The following ARHGEF4 variants were observed in gnomAD, a reference collection of about 807,000 sequenced individuals.
The protein encoded by ARHGEF4 is APC-stimulated guanine nucleotide exchange factor 1.
Under a neutral mutation model 162.0 loss-of-function variants are expected in ARHGEF4, and 119 were observed. The ratio of observed to expected loss-of-function variants is 0.73; its 90% CI spans 0.63 to 0.86. The LOEUF (loss-of-function observed/expected upper bound fraction) is 0.86, where lower values mean the gene tolerates loss of function less well. Ranked by LOEUF, ARHGEF4 falls within the 40% of genes least tolerant of loss-of-function variation. The pLI is 0.00. For synonymous variants in ARHGEF4, 1,014 were observed against 979.9 expected (o/e 1.03, Z -0.65); for missense variants, 2,488 against 2,456.0 (o/e 1.01, Z -0.28).
intron 4 of ARHGEF4, among the ~76,000 whole-genome samples, chr2:130,998,166 G>A (rs1220940810): frequency 1.3e-5 from 2 of 151,980 alleles, no homozygotes; most frequent in African/African-American, 4.8e-5. Flanking sequence ...ACTTATTGTA[G>A]TATTTATATA....
Position 131,046,051 on chromosome 2 carries a change from C to T in ARHGEF4, c.5493C>T (p.Pro1831=), listed in dbSNP as rs114004756. 1,309 of 1,611,648 alleles carry T rather than the reference C, an allele frequency of 8.1e-4. 10 individuals carry two copies. The African/African-American group carries it at 0.016, about 20-fold the overall frequency. ...VTGKPKAVGR[P]CYLTRQKHPA... is the part of the protein sequence containing the mutation. ...CTCCCTGTTCAGCTGTTGGCCGGCCCTGCTACCTGACGCGCCAGAAGCACC... is the reference window on the plus strand; with the variant it reads ...CTCCCTGTTCAGCTGTTGGCCGGCCTTGCTACCTGACGCGCCAGAAGCACC... Residue 1831 remains proline, a synonymous_variant, in exon 14 of 14, where the codon CCC becomes CCT. Transcript: ENST00000409359.
chr2:130,917,795 T>C (rs1186223968), intron 2 of ARHGEF4, among the ~76,000 whole-genome samples: 4 of 150,272 alleles, frequency 2.7e-5, no homozygotes, highest in Non-Finnish European at 4.4e-5. Context: ...GCACTGCCCA[T>C]TTTCTTTTCT....
rs542532426 is a variant in ARHGEF4, at chr2:131,044,312, G to A, written c.5171G>A (p.Arg1724His). 9 of 1,610,478 alleles carry A rather than the reference G, an allele frequency of 5.6e-6. No individual in the cohort carries two copies. The highest frequency in any genetic ancestry group is 4.5e-5 in the East Asian group (2 of 44,796). The change falls in exon 12 of 14, where the codon CGC (arginine) becomes CAC (histidine). Residue 1724 changes from arginine to histidine, a missense_variant. Physicochemically the swap from Arg to His is conservative, Grantham distance 29. Around this residue, in one of 6 missense-constraint regions of ARHGEF4, gnomAD observed 415 missense variants for 512.4 expected, o/e 0.81. Transcript: ENST00000409359. Reference protein sequence around the residue: ...LIYCKKDLLRRDVLYYKGRLD... With the variant: ...LIYCKKDLLRHDVLYYKGRLD... ...AGCATCTGGCAGGACCTGCTCCGCC[G>A]CGACGTGTTGTACTACAAGGGCCGG...
chr2:130,926,809 G>GTTTTTTTT (rs1559044315), intron 2 of ARHGEF4, among the ~76,000 whole-genome samples: 10 of 13,822 alleles, frequency 7.2e-4, no homozygotes, highest in Non-Finnish European at 2.2e-3. Context: ...ACTTCTGGCT[G>GTTTTTTTT]ATTTTTTTTT....
chr2:131,015,536 G>C (rs1422038447), intron 4 of ARHGEF4, among the ~76,000 whole-genome samples: 1 of 152,148 alleles, frequency 6.6e-6, no homozygotes, highest in African/African-American at 2.4e-5. Flanking sequence ...CTGGTTGACC[G>C]GTTGTTCTGT....
intron 1 of ARHGEF4, among the ~76,000 whole-genome samples, chr2:130,892,677 G>A (rs1194618059): frequency 2.6e-5 from 4 of 152,322 alleles, no homozygotes; most frequent in African/African-American, 9.6e-5. Flanking sequence ...GGAGCCCACA[G>A]CCAGGGTGGA....
At chr2:130,855,908 A>G (rs955587074) in intron 1 of ARHGEF4, among the ~76,000 whole-genome samples, 7 of 152,266 alleles carry the variant, frequency 4.6e-5, no homozygotes, top group South Asian at 2.1e-4. Flanking sequence ...TATTAGTATC[A>G]GAATTGCTAT....
intron 3 of ARHGEF4, among the ~76,000 whole-genome samples, chr2:130,932,458 C>T (rs1682692787): frequency 6.6e-6 from 1 of 152,196 alleles, no homozygotes; most frequent in South Asian, 2.1e-4. Context: ...ATCCACTGGC[C>T]TTGGCCTCCC....
intron 1 of ARHGEF4, among the ~76,000 whole-genome samples, chr2:130,898,929 C>T (rs560913891): frequency 6.6e-6 from 1 of 152,254 alleles, no homozygotes; most frequent in South Asian, 2.1e-4. Flanking sequence ...AGATCCCCAG[C>T]CCACTCCCAA....
intron 1 of ARHGEF4, among the ~76,000 whole-genome samples, chr2:130,848,704 A>G (rs112365701): frequency 4.6e-5 from 7 of 152,108 alleles, no homozygotes; most frequent in African/African-American, 1.4e-4. Flanking sequence ...TGCATGTTTT[A>G]GTGAGGGTTC....
At position 130,930,933 on chromosome 2, in the gene ARHGEF4, C is replaced by T. The variant is rs758186838; in HGVS notation, c.3553-19C>T. On this transcript the variant is annotated intron_variant, in intron 2 of 13. Transcript: ENST00000409359. ...GTCCTTTGACCTCTGACCCCTGACC[C>T]GTTCTCTCTGCTCTCCAGAACCACA... 2.5e-6 allele frequency: 4 copies of T among 1,589,064 alleles called. No homozygotes were observed. Among genetic ancestry groups the T allele is most frequent in the East Asian group, 2.3e-5 (1 of 44,370 alleles).
intron 4 of ARHGEF4, among the ~76,000 whole-genome samples, chr2:130,992,295 C>T (rs1191329320): frequency 2.0e-5 from 3 of 152,164 alleles, no homozygotes; most frequent in Non-Finnish European, 2.9e-5. Flanking sequence ...CTTGGGTCCC[C>T]TTCCACACTG....
At chr2:130,948,328 A>G (rs755837600) in intron 4 of ARHGEF4, among the ~76,000 whole-genome samples, 1 of 152,252 alleles carries the variant, frequency 6.6e-6, no homozygotes, top group Non-Finnish European at 1.5e-5. Flanking sequence ...TCTTTCCCAC[A>G]TAAAGTTGTG....
At chr2:130,965,458 T>C (rs910426544) in intron 4 of ARHGEF4, among the ~76,000 whole-genome samples, 2 of 152,212 alleles carry the variant, frequency 1.3e-5, no homozygotes, top group Non-Finnish European at 2.9e-5. Flanking sequence ...AACGGAGAGT[T>C]TTCCATTGTT....
At chr2:130,963,517 C>G (rs1206172818) in intron 4 of ARHGEF4, 1 of 152,022 alleles carries the variant, frequency 6.6e-6, no homozygotes, top group Non-Finnish European at 1.5e-5. Flanking sequence ...CTGCGACGAG[C>G]CTGGGCGTCG....
chr2:130,924,518 G>A (rs1682110191), intron 2 of ARHGEF4, among the ~76,000 whole-genome samples: 3 of 152,300 alleles, frequency 2.0e-5, no homozygotes, highest in South Asian at 2.1e-4. Context: ...CGCCCAGACC[G>A]TGGAGTATTT....
intron 4 of ARHGEF4, among the ~76,000 whole-genome samples, chr2:130,976,314 CTCAT>C (rs1685702430): frequency 1.3e-5 from 2 of 150,024 alleles, no homozygotes; most frequent in South Asian, 4.3e-4. Flanking sequence ...GCTCTCAAAA[CTCAT>C]TCGGCCCCAG....
chr2:130,879,082 A>G (rs1306344195), intron 1 of ARHGEF4, among the ~76,000 whole-genome samples: 1 of 152,202 alleles, frequency 6.6e-6, no homozygotes, highest in Non-Finnish European at 1.5e-5. Context: ...GGCATGGCTG[A>G]GCACAGCACA....
At chr2:131,045,555 G>A (rs761107344) in intron 13 of ARHGEF4, 109 bp downstream of exon 13, 1 of 1,609,686 alleles carries the variant, frequency 6.2e-7, no homozygotes, top group Non-Finnish European at 8.5e-7. Flanking sequence ...GGCCTGAGGG[G>A]GGCCCACTGC....
Sources: gnomAD v4.1 joint callset for allele counts (sites outside exome capture counted in the v4.1 genomes callset) on GRCh38, gnomAD v4.1.1 for gene constraint, gnomAD v4.1.1 regional missense constraint, MANE v1.5 for transcripts, NCBI Gene and HGNC (gene_info 2026-07-23, HGNC 2026-07-21) for gene names.